BBS5: variants seen among roughly 807,000 people sequenced by gnomAD.
BBS5 encodes the protein BBSome complex member BBS5.
In BBS5, 39 loss-of-function variants were observed where a neutral mutation model predicts 50.2. That is an observed-to-expected ratio of 0.78 (90% CI 0.60 to 1.01). The LOEUF (loss-of-function observed/expected upper bound fraction) is 1.01, where lower values mean the gene tolerates loss of function less well. Among genes scored for constraint, BBS5 ranks in the 50% least tolerant of loss-of-function variants. The pLI, the probability that BBS5 is intolerant of heterozygous loss-of-function variation, is 0.00. For missense variants in BBS5, 356 were observed against 401.5 expected, an observed-to-expected ratio of 0.89 and a Z score of 0.97; for synonymous variants, 134 against 133.1, an observed-to-expected ratio of 1.01 and a Z score of -0.05.
rs560903909 is a variant in BBS5 at position 169,482,312 on chromosome 2, A to C, written c.121A>C (p.Lys41Gln). The change falls in exon 2 of 12, where the codon AAA (lysine) becomes CAA (glutamine). Residue 41 changes from lysine (K) to glutamine (Q), a missense_variant. Physicochemically the swap from Lys to Gln is moderately conservative, Grantham distance 53. Coordinates refer to ENST00000295240, the MANE Select transcript of BBS5 (RefSeq NM_152384.3). ...IDCLDSIEDT[K>Q]GNNGDRGRLL... ...TTGTTTAGATTCCATTGAAGACACC[A>C]AAGGAAATAATGGAGATAGAGGTGA... 3 of 1,601,438 alleles carry C rather than the reference A, an allele frequency of 1.9e-6. No homozygotes were observed. The South Asian group carries it at 3.3e-5, about 18-fold the overall frequency.
At chr2:169,500,788 A>T (rs1033192371) in intron 9 of BBS5, among the ~76,000 whole-genome samples, 2 of 152,180 alleles carry the variant, frequency 1.3e-5, no homozygotes, top group Non-Finnish European at 2.9e-5. Flanking sequence ...CATACACGGT[A>T]TGTATTTCAT....
At position 169,479,580 on chromosome 2, in the gene BBS5, G is replaced by C; in HGVS notation, c.27G>C (p.Glu9Asp). 1 of 1,614,190 alleles carries C rather than the reference G, an allele frequency of 6.2e-7. No individual in the cohort carries two copies. The highest frequency in any genetic ancestry group is 8.5e-7 in the Non-Finnish European group (1 of 1,180,010). ...TGTCGGTGCTGGATGCGCTTTGGGAGGATCGGGATGTCCGTTTCGACCTGT... is the reference window on the plus strand; with the variant it reads ...TGTCGGTGCTGGATGCGCTTTGGGACGATCGGGATGTCCGTTTCGACCTGT... MSVLDALW[E>D]DRDVRFDLSA... The change falls in exon 1 of 12, where the codon GAG (glutamate) becomes GAC (aspartate). Residue 9 changes from glutamate (E) to aspartate (D), a missense_variant. Glu to Asp is a conservative substitution (Grantham distance 45). Transcript: ENST00000295240.
chr2:169,488,107 G>A lies in BBS5; in HGVS notation c.379G>A (p.Val127Ile). ...TAGACTTTTTACTTCTGTGATGGCA[G>A]TACACAGGTATAGTAATACTTTATG... Reference protein sequence around the residue: ...SPRLFTSVMAVHRAYETSKMY... With the variant: ...SPRLFTSVMAIHRAYETSKMY... The change falls in exon 5 of 12, where the codon GTA becomes ATA. Residue 127 changes from valine (V) to isoleucine (I), a missense_variant. By Grantham distance (29) the Val-to-Ile change is conservative (BLOSUM62 3). Coordinates refer to ENST00000295240, the MANE Select transcript of BBS5 (RefSeq NM_152384.3). 2 of 1,612,856 alleles carry A rather than the reference G, an allele frequency of 1.2e-6. No individual in the cohort carries two copies. Among genetic ancestry groups the A allele is most frequent in the South Asian group, 1.1e-5 (1 of 91,040 alleles).
intron 5 of BBS5, among the ~76,000 whole-genome samples, chr2:169,492,399 A>C (rs1225529667): frequency 6.6e-6 from 1 of 151,916 alleles, no homozygotes; most frequent in Non-Finnish European, 1.5e-5. Flanking sequence ...CTGAGGCAGG[A>C]GAATCACTTG....
chr2:169,493,867 T>G, intron 7 of BBS5, 31 bp downstream of exon 7: 1 of 1,394,964 alleles, frequency 7.2e-7, no homozygotes, highest in East Asian at 2.3e-5. Flanking sequence ...GACCTTATTT[T>G]AATGTAAAAT....
intron 5 of BBS5, among the ~76,000 whole-genome samples, chr2:169,488,549 C>T (rs545157061): frequency 3.3e-5 from 5 of 152,336 alleles, no homozygotes; most frequent in Non-Finnish European, 5.9e-5. Flanking sequence ...CACTCACCCC[C>T]CAACCACTCA....
chr2:169,496,768 C>G (rs1019722271), intron 7 of BBS5, among the ~76,000 whole-genome samples: 1 of 152,086 alleles, frequency 6.6e-6, no homozygotes, highest in South Asian at 2.1e-4. Flanking sequence ...ACTTGGGAGG[C>G]TGAGGCAGGA....
rs190776600 is a variant in BBS5, at chr2:169,498,761, C to G, written c.682-725C>G. 3.8e-3 allele frequency among the ~76,000 whole-genome samples: 575 copies of G among 149,388 alleles called. 3 individuals carry two copies. The highest frequency in any genetic ancestry group is 0.013 in the African/African-American group (530 of 40,514). Reference sequence around the variant, plus strand: ...GGCGGAGCTTGCAGTGAGCCGAGATCGCGCCGCTGCACTCCAGCCTGGCCG... The same window carrying G: ...GGCGGAGCTTGCAGTGAGCCGAGATGGCGCCGCTGCACTCCAGCCTGGCCG... On this transcript the variant is annotated intron_variant, in intron 8 of 11. Coordinates refer to ENST00000295240, the MANE Select transcript of BBS5 (RefSeq NM_152384.3).
intron 9 of BBS5, among the ~76,000 whole-genome samples, chr2:169,500,368 G>C (rs1171991784): frequency 1.3e-5 from 2 of 152,148 alleles, no homozygotes; most frequent in African/African-American, 4.8e-5. Context: ...GCCCCCCACT[G>C]TCTGCTCTAT....
At position 169,479,613 on chromosome 2, in the gene BBS5, G is replaced by T; in HGVS notation, c.59+1G>T. The T allele has an allele frequency of 6.2e-7, 1 of 1,614,172 alleles. No individual in the cohort carries two copies. Among genetic ancestry groups the T allele is most frequent in the Non-Finnish European group, 8.5e-7 (1 of 1,179,990 alleles). On this transcript the variant is annotated splice_donor_variant, in intron 1 of 11. Transcript: ENST00000295240. LOFTEE classifies it high-confidence loss of function. ...ATGTCCGTTTCGACCTGTCCGCGCA[G>T]TGAGTTTCCAAGATTCCCGAGGGAT...
intron 5 of BBS5, among the ~76,000 whole-genome samples, chr2:169,491,809 T>G (rs1683606987): frequency 6.6e-6 from 1 of 152,198 alleles, no homozygotes; most frequent in South Asian, 2.1e-4. Flanking sequence ...TAATTGTTTT[T>G]GTTTTGAGAC....
intron 2 of BBS5, chr2:169,482,581 T>G: frequency 2.2e-6 from 1 of 459,286 alleles, no homozygotes; most frequent in Non-Finnish European, 4.0e-6. Flanking sequence ...AAAACTCAAG[T>G]AGACCTGTTT....
chr2:169,490,295 G>T (rs565657279), intron 5 of BBS5, among the ~76,000 whole-genome samples: 1 of 136,548 alleles, frequency 7.3e-6, no homozygotes, highest in South Asian at 2.5e-4. Context: ...CCGGGTTCAC[G>T]CCATTCTCCT....
intron 5 of BBS5, among the ~76,000 whole-genome samples, chr2:169,491,331 A>G (rs191537059): frequency 2.0e-5 from 3 of 152,272 alleles, no homozygotes; most frequent in East Asian, 1.9e-4. Context: ...AATAGTTTCT[A>G]TTTCTTCCAC....
chr2:169,481,924 C>A (rs373316815), intron 1 of BBS5, among the ~76,000 whole-genome samples: 4 of 152,178 alleles, frequency 2.6e-5, no homozygotes, highest in African/African-American at 9.7e-5. Flanking sequence ...GTCCTTCTTT[C>A]CAAGCTTGGC....
rs548892754 is a variant in BBS5, at chr2:169,500,277, G to T, written c.816+657G>T. 3.3e-5 allele frequency among the ~76,000 whole-genome samples: 5 copies of T among 152,286 alleles called. No individual in the cohort carries two copies. The East Asian group carries it at 7.7e-4, about 24-fold the overall frequency. On this transcript the variant is annotated intron_variant, in intron 9 of 11. Coordinates refer to ENST00000295240, the MANE Select transcript of BBS5 (RefSeq NM_152384.3). ...CCTCACTACCTACTCCATTAGAGGT[G>T]TCCTTACTGTCCACTCTATCACCAG...
At position 169,505,189 on chromosome 2, in the gene BBS5, G is replaced by A. The variant is rs113586716; in HGVS notation, c.*607G>A. On this transcript the variant is annotated 3_prime_UTR_variant, in exon 12 of 12. Coordinates refer to ENST00000295240, the MANE Select transcript of BBS5 (RefSeq NM_152384.3). ...CCGGGCTGGTCTCCAGCTCCTAACC[G>A]CGAGTGATCCGCCAGCCTCGGCCTC... is the stretch of plus-strand genomic sequence containing the variant. 26,073 of 558,020 alleles carry A rather than the reference G, an allele frequency of 0.047. 763 individuals carry two copies. Among genetic ancestry groups the A allele is most frequent in the Admixed American group, 0.08 (2,924 of 36,754 alleles). 34.6% of individuals were successfully genotyped at this position (558,020 alleles called of 1,614,324 possible). A position where few individuals can be genotyped will look rare whatever the true frequency, so the allele number is the denominator to read the frequency against.
At chr2:169,495,937 CT>C (rs1214875548) in intron 7 of BBS5, among the ~76,000 whole-genome samples, 2 of 152,222 alleles carry the variant, frequency 1.3e-5, no homozygotes, top group Non-Finnish European at 2.9e-5. Flanking sequence ...GCCCCCGCCC[CT>C]GGTCAGTGTT....
intron 9 of BBS5, among the ~76,000 whole-genome samples, chr2:169,501,078 T>C (rs1683792746): frequency 6.6e-6 from 1 of 152,230 alleles, no homozygotes; most frequent in African/African-American, 2.4e-5. Context: ...TAAATAATTA[T>C]GCAAGTCAAT....
Sources: allele counts gnomAD v4.1 joint callset (sites outside exome capture counted in the v4.1 genomes callset), GRCh38; gene constraint gnomAD v4.1.1; transcripts MANE v1.5; gene names NCBI Gene and HGNC (gene_info 2026-07-23, HGNC 2026-07-21).